The following ACER3 variants were observed in gnomAD, a reference collection of about 807,000 sequenced individuals.
The protein encoded by ACER3 is alkCDase 3.
Under a neutral mutation model 48.9 loss-of-function variants are expected in ACER3, and 16 were observed. The ratio of observed to expected loss-of-function variants is 0.33; its 90% CI spans 0.22 to 0.50. The LOEUF is 0.50. ACER3 is among the 20% of genes least tolerant of loss of function. The probability of loss-of-function intolerance (pLI) is 0.98; values close to 1 mark genes in which losing one functional copy is unlikely to be tolerated. For missense variants in ACER3, 227 were observed against 326.0 expected, an observed-to-expected ratio of 0.70 and a Z score of 2.34; for synonymous variants, 109 against 107.8, an observed-to-expected ratio of 1.01 and a Z score of -0.07.
At chr11:76,915,229 A>G (rs1026318541) in intron 1 of ACER3, among the ~76,000 whole-genome samples, 1 of 151,796 alleles carries the variant, frequency 6.6e-6, no homozygotes, top group Non-Finnish European at 1.5e-5. Flanking sequence ...AAAAAAAAAG[A>G]CAGCAAAAGA....
chr11:76,928,566 T>A (rs1590943812), intron 2 of ACER3, among the ~76,000 whole-genome samples: 1 of 152,258 alleles, frequency 6.6e-6, no homozygotes, highest in Non-Finnish European at 1.5e-5. Flanking sequence ...ATTGCCTAGG[T>A]TTTCTTTTAG....
At chr11:76,945,255 C>T (rs1231513553) in intron 2 of ACER3, among the ~76,000 whole-genome samples, 1 of 152,066 alleles carries the variant, frequency 6.6e-6, no homozygotes, top group Non-Finnish European at 1.5e-5. Context: ...TTGTGGTCCT[C>T]TGATGGTGTC....
intron 2 of ACER3, among the ~76,000 whole-genome samples, chr11:76,946,141 C>T (rs1947467497): frequency 6.6e-6 from 1 of 152,186 alleles, no homozygotes; most frequent in Admixed American, 6.5e-5. Context: ...CAGTCTGTAG[C>T]AGAGCAGTGG....
In ACER3 at chr11:76,895,671, G is replaced by A. The variant is rs540244964; in HGVS notation, c.104-30886G>A. On this transcript the variant is annotated intron_variant, in intron 1 of 10. Coordinates refer to ENST00000532485, the MANE Select transcript of ACER3 (RefSeq NM_018367.7). The stretch of plus-strand genomic sequence containing the variant: ...TCACTGCTTCTTAAATTTTTCCACC[G>A]AAGCACCCTTAAGGGCAGAGAAAAG... Among the ~76,000 whole-genome samples, 20 of 152,146 alleles carry A rather than the reference G, an allele frequency of 1.3e-4. No individual in the cohort carries two copies. The South Asian group carries it at 2.1e-3, about 16-fold the overall frequency.
chr11:76,888,843 TATACACTAA>T (rs1253856588), intron 1 of ACER3, among the ~76,000 whole-genome samples: 1 of 152,198 alleles, frequency 6.6e-6, no homozygotes, highest in Admixed American at 6.5e-5. Context: ...AGTTTCTGCT[TATACACTAA>T]AGGAGGGAGT....
Position 77,024,444 on chromosome 11 carries a change from G to A in ACER3, c.*4117G>A, listed in dbSNP as rs11237059. 6.6e-6 allele frequency: 1 copy of A among 152,058 alleles called. No individual in the cohort carries two copies. Among genetic ancestry groups the A allele is most frequent in the Non-Finnish European group, 1.5e-5 (1 of 68,040 alleles). 9.4% of individuals were successfully genotyped at this position (152,058 alleles called of 1,614,324 possible). On this transcript the variant is annotated 3_prime_UTR_variant, in exon 11 of 11. Coordinates refer to ENST00000532485, the MANE Select transcript of ACER3 (RefSeq NM_018367.7). Reference sequence around the variant, plus strand: ...CAGCCCAGTCAGCTTCATATACCCAGATATGGACACTTCTACACGTGAAAT... The same window carrying A: ...CAGCCCAGTCAGCTTCATATACCCAAATATGGACACTTCTACACGTGAAAT...
chr11:77,001,263 T>C (rs1176334068), intron 7 of ACER3, among the ~76,000 whole-genome samples: 1 of 152,172 alleles, frequency 6.6e-6, no homozygotes, highest in Non-Finnish European at 1.5e-5. Context: ...GTTTTGTTTT[T>C]TGCTTTTTTT....
At chr11:77,017,571 A>G (rs1004781326) in intron 9 of ACER3, among the ~76,000 whole-genome samples, 2 of 152,242 alleles carry the variant, frequency 1.3e-5, no homozygotes. Flanking sequence ...ATCCAATGCA[A>G]TCTCATTTAG....
At chr11:76,957,081 T>C (rs115285602) in intron 2 of ACER3, among the ~76,000 whole-genome samples, 3,232 of 152,300 alleles carry the variant, frequency 0.021, 116 homozygotes, top group African/African-American at 0.074. Context: ...CCTTCACAAG[T>C]GTTCCTTCTC....
At chr11:76,904,078 G>A (rs553911568) in intron 1 of ACER3, among the ~76,000 whole-genome samples, 60 of 152,080 alleles carry the variant, frequency 3.9e-4, no homozygotes, top group African/African-American at 1.0e-3. Context: ...CCTCAGCCTC[G>A]TGGGTTCAAG....
At chr11:77,018,919 G>T (rs1949422334) in intron 9 of ACER3, among the ~76,000 whole-genome samples, 1 of 152,208 alleles carries the variant, frequency 6.6e-6, no homozygotes, top group Non-Finnish European at 1.5e-5. Context: ...TTATCCAGAA[G>T]ATCTAGCTGA....
intron 2 of ACER3, among the ~76,000 whole-genome samples, chr11:76,938,976 A>AAAAAAAAAT (rs1254988621): frequency 6.6e-6 from 1 of 151,992 alleles, no homozygotes; most frequent in Non-Finnish European, 1.5e-5. Context: ...GTGCTAAAAA[A>AAAAAAAAAT]AATGAAGGAA....
chr11:76,956,684 C>CTTTTT (rs11368601), intron 2 of ACER3, among the ~76,000 whole-genome samples: 1 of 142,318 alleles, frequency 7.0e-6, no homozygotes. Context: ...TCCCATCTCA[C>CTTTTT]TTTTTTTTTT....
At chr11:76,905,609 A>G (rs1946209249) in intron 1 of ACER3, among the ~76,000 whole-genome samples, 1 of 152,220 alleles carries the variant, frequency 6.6e-6, no homozygotes, top group African/African-American at 2.4e-5. Flanking sequence ...GTAAACGTAC[A>G]TAAGGAAGTA....
chr11:76,988,538 A>G (rs934758774), intron 5 of ACER3, among the ~76,000 whole-genome samples: 1 of 152,180 alleles, frequency 6.6e-6, no homozygotes, highest in Non-Finnish European at 1.5e-5. Flanking sequence ...TAAAACCATC[A>G]GATCTCATGA....
At position 76,915,895 on chromosome 11, in the gene ACER3, C is replaced by T. The variant is rs148114729; in HGVS notation, c.104-10662C>T. On this transcript the variant is annotated intron_variant, in intron 1 of 10. Coordinates refer to ENST00000532485, the MANE Select transcript of ACER3 (RefSeq NM_018367.7). ...TCTCAAGAACAGCATGGGGGAACCACCCACATAATCCAATCACCTCCCACC... is the reference window on the plus strand; with the variant it reads ...TCTCAAGAACAGCATGGGGGAACCATCCACATAATCCAATCACCTCCCACC... Among the ~76,000 whole-genome samples the T allele has an allele frequency of 1.3e-5, 2 of 152,286 alleles. 1 individual carries two copies. Among genetic ancestry groups the T allele is most frequent in the East Asian group, 3.9e-4 (2 of 5,176 alleles).
At chr11:76,998,886 A>G in intron 7 of ACER3, 65 bp downstream of exon 7, 1 of 1,287,680 alleles carries the variant, frequency 7.8e-7, no homozygotes, top group Non-Finnish European at 1.1e-6. Context: ...GTAAATCTAT[A>G]GCCTAAATCA....
intron 7 of ACER3, chr11:77,011,400 C>G (rs1949261259): frequency 1.0e-6 from 1 of 984,152 alleles, no homozygotes; most frequent in Non-Finnish European, 1.2e-6. Context: ...AAGCAGAAAA[C>G]AGATAGCACC....
chr11:76,912,708 G>GTGTT (rs56097884), intron 1 of ACER3, among the ~76,000 whole-genome samples: 60,619 of 151,734 alleles, frequency 0.4, 14,813 homozygotes, highest in Non-Finnish European at 0.56. Flanking sequence ...TTTTTCTCTT[G>GTGTT]TGTTTATATA....
Sources: allele counts gnomAD v4.1 joint callset (sites outside exome capture counted in the v4.1 genomes callset), GRCh38; gene constraint gnomAD v4.1.1; transcripts MANE v1.5; gene names NCBI Gene and HGNC (gene_info 2026-07-23, HGNC 2026-07-21).